MYH4: variants seen among roughly 807,000 people sequenced by gnomAD.
The protein encoded by MYH4 is myosin heavy chain 4.
In MYH4, 200 loss-of-function variants were observed where a neutral mutation model predicts 229.9. The observed-to-expected ratio is 0.87, with a 90% confidence interval of 0.78 to 0.98. The LOEUF is 0.98. MYH4 is among the 50% of genes least tolerant of loss of function. The pLI is 0.00. For synonymous variants in MYH4, 761 were observed against 834.6 expected (o/e 0.91, Z 1.52); for missense variants, 2,148 against 2,332.6 (o/e 0.92, Z 1.63).
Position 10,451,974 on chromosome 17 carries a change from A to C in MYH4, c.3705T>G (p.Leu1235=). ...TGGAGACAGTCTCCATGTTACTAGCAAGGTCATTGATCTCCATCTTCAGCT... is the reference window on the plus strand; with the variant it reads ...TGGAGACAGTCTCCATGTTACTAGCCAGGTCATTGATCTCCATCTTCAGCT... ...KSELKMEIND[L]ASNMETVSKA... Residue 1235 remains leucine, a synonymous_variant, in exon 27 of 40, where the codon CTT becomes CTG. Coordinates refer to ENST00000255381, the MANE Select transcript of MYH4 (RefSeq NM_017533.2). 7 of 1,612,850 alleles carry C rather than the reference A, an allele frequency of 4.3e-6. No homozygotes were observed. Among genetic ancestry groups the C allele is most frequent in the Non-Finnish European group, 5.1e-6 (6 of 1,179,248 alleles).
chr17:10,453,630 T>C lies in MYH4; in HGVS notation c.2934+13A>G. 6.2e-7 allele frequency: 1 copy of C among 1,614,124 alleles called. No homozygotes were observed. Among genetic ancestry groups the C allele is most frequent in the South Asian group, 1.1e-5 (1 of 91,076 alleles). ...GTGCTTATAAATATTCTAAAATGGATCATGATTTGTACCTTGTTCTCTGTG... is the reference window on the plus strand; with the variant it reads ...GTGCTTATAAATATTCTAAAATGGACCATGATTTGTACCTTGTTCTCTGTG... On this transcript the variant is annotated intron_variant, in intron 23 of 39. Coordinates refer to ENST00000255381, the MANE Select transcript of MYH4 (RefSeq NM_017533.2).
At position 10,455,185 on chromosome 17, in the gene MYH4, A is replaced by G; in HGVS notation, c.2285T>C (p.Phe762Ser). 1 of 1,614,202 alleles carries G rather than the reference A, an allele frequency of 6.2e-7. No homozygotes were observed. Among genetic ancestry groups the G allele is most frequent in the Non-Finnish European group, 8.5e-7 (1 of 1,180,022 alleles). The change falls in exon 20 of 40, where the codon TTC (phenylalanine) becomes TCC (serine). Residue 762 changes from phenylalanine (F) to serine (S), a missense_variant. By Grantham distance (155) the Phe-to-Ser change is radical. Coordinates refer to ENST00000255381, the MANE Select transcript of MYH4 (RefSeq NM_017533.2). The part of the protein sequence containing the change: ...SIEIDHTQYK[F>S]GHTKVFFKAG... ...GACTGGTGATACCTTGGTATGACCGAATTTGTACTGGGTGTGGTCAATTTC... is the reference window on the plus strand; with the variant it reads ...GACTGGTGATACCTTGGTATGACCGGATTTGTACTGGGTGTGGTCAATTTC...
At position 10,452,144 on chromosome 17, in the gene MYH4, G is replaced by A. The variant is rs757546892; in HGVS notation, c.3535C>T (p.Arg1179Cys). The change falls in exon 27 of 40, where the codon CGC becomes TGC. Residue 1179 changes from arginine to cysteine, a missense_variant. Transcript: ENST00000255381. The part of the protein sequence containing the change: ...KKREAEFQKM[R>C]RDLEESTLQH... ...AGGGTGGACTCTTCCAGGTCCCTGC[G>A]CATTTTCTGGAACTCAGCCTCCCGC... The A allele has an allele frequency of 1.4e-5, 23 of 1,613,960 alleles. No homozygotes were observed. Among genetic ancestry groups the A allele is most frequent in the Middle Eastern group, 1.7e-4 (1 of 6,024 alleles).
chr17:10,455,356 A>AT (rs1272363877), intron 19 of MYH4, 61 bp from the exon 20 acceptor site: 2 of 1,525,278 alleles, frequency 1.3e-6, no homozygotes, highest in Non-Finnish European at 1.8e-6. Flanking sequence ...ACAGTAGAAC[A>AT]TTTGGTAGCT....
At chr17:10,448,182 A>G (rs1838258283) in intron 33 of MYH4, 56 bp from the exon 34 acceptor site, 4 of 1,491,126 alleles carry the variant, frequency 2.7e-6, no homozygotes, top group East Asian at 2.3e-5. Flanking sequence ...TTTCTTTCAC[A>G]TTATGATAAT....
At position 10,466,414 on chromosome 17, in the gene MYH4, A is replaced by C. The variant is rs374628866; in HGVS notation, c.207T>G (p.Thr69=). 1 of 1,613,908 alleles carries C rather than the reference A, an allele frequency of 6.2e-7. No individual in the cohort carries two copies. Among genetic ancestry groups the C allele is most frequent in the Non-Finnish European group, 8.5e-7 (1 of 1,179,962 alleles). The change falls in exon 4 of 40, where the codon ACT becomes ACG. Residue 69 remains threonine, a splice_region_variant and synonymous_variant. Transcript: ENST00000255381. The stretch of plus-strand genomic sequence containing the variant: ...AGACTTGGTCTTCTTTCACAGTTAC[A>C]GTCTGTTAAGAAAAGAAAAAACAAG... ...KVTAKTEAGA[T]VTVKEDQVFS...
intron 11 of MYH4, among the ~76,000 whole-genome samples, chr17:10,461,337 A>G (rs1216418398): frequency 1.3e-5 from 2 of 152,110 alleles, no homozygotes; most frequent in Admixed American, 6.6e-5. Flanking sequence ...ATGACTTTTG[A>G]TGCCAAGGCC....
Position 10,455,021 on chromosome 17 carries a change from T to C in MYH4, c.2355A>G (p.Leu785=), listed in dbSNP as rs1597419347. 6.2e-7 allele frequency: 1 copy of C among 1,614,228 alleles called. No homozygotes were observed. Among genetic ancestry groups the C allele is most frequent in the Non-Finnish European group, 8.5e-7 (1 of 1,180,028 alleles). ...CTTGAGTGCGCGTGATGAGTTGAGCTAGCTTTTCATCTCGCATTTCCTCTA... is the reference window on the plus strand; with the variant it reads ...CTTGAGTGCGCGTGATGAGTTGAGCCAGCTTTTCATCTCGCATTTCCTCTA... The part of the protein sequence containing the change: ...GTLEEMRDEK[L]AQLITRTQAI... Residue 785 remains leucine, a synonymous_variant, in exon 21 of 40, where the codon CTA becomes CTG. Transcript: ENST00000255381.
intron 35 of MYH4, among the ~76,000 whole-genome samples, chr17:10,446,792 T>G (rs1385065817): frequency 6.6e-6 from 1 of 152,192 alleles, no homozygotes; most frequent in Non-Finnish European, 1.5e-5. Context: ...TAAATAAAAG[T>G]TTCTAGAATT....
At chr17:10,465,679 C>T (rs2072756066) in intron 4 of MYH4, 81 bp from the exon 5 acceptor site, 1 of 1,558,704 alleles carries the variant, frequency 6.4e-7, no homozygotes, top group Admixed American at 1.7e-5. Flanking sequence ...GCAAGTAGAG[C>T]AGGACCTAAG....
rs563719766 is a variant in MYH4 at position 10,455,184 on chromosome 17, G to A, written c.2286C>T (p.Phe762=). The A allele has an allele frequency of 8.0e-5, 129 of 1,614,112 alleles. 4 individuals are homozygous for A. The South Asian group carries it at 1.3e-3, about 16-fold the overall frequency. Residue 762 remains phenylalanine, a synonymous_variant, in exon 20 of 40, where the codon TTC becomes TTT. Transcript: ENST00000255381. ...GGACTGGTGATACCTTGGTATGACCGAATTTGTACTGGGTGTGGTCAATTT... is the reference window on the plus strand; with the variant it reads ...GGACTGGTGATACCTTGGTATGACCAAATTTGTACTGGGTGTGGTCAATTT... ...SIEIDHTQYK[F]GHTKVFFKAG...
chr17:10,446,617 G>A (rs530139332), intron 35 of MYH4, among the ~76,000 whole-genome samples: 2 of 152,312 alleles, frequency 1.3e-5, no homozygotes, highest in South Asian at 4.1e-4. Context: ...TGTATCCCAT[G>A]AGGTTAGCAT....
rs1216414670 is a variant in MYH4, at chr17:10,444,851, C to T, written c.5515G>A (p.Glu1839Lys). The T allele has an allele frequency of 8.7e-6, 14 of 1,614,120 alleles. No individual in the cohort carries two copies. Among genetic ancestry groups the T allele is most frequent in the Non-Finnish European group, 1.2e-5 (14 of 1,180,022 alleles). Reference protein sequence around the residue: ...EVESEQKHNVEAVKGLRKHER... With the variant: ...EVESEQKHNVKAVKGLRKHER... ...TGTTTGCGAAGACCCTTGACAGCCT[C>T]AACATTGTGCTTCTGTTCACTTTCC... The change falls in exon 38 of 40, where the codon GAG becomes AAG. Residue 1839 changes from glutamate to lysine, a missense_variant. Coordinates refer to ENST00000255381, the MANE Select transcript of MYH4 (RefSeq NM_017533.2).
At chr17:10,468,783 G>A (rs982245387) in intron 2 of MYH4, among the ~76,000 whole-genome samples, 1 of 152,228 alleles carries the variant, frequency 6.6e-6, no homozygotes, top group African/African-American at 2.4e-5. Context: ...GGGTCATTCA[G>A]TGTCATAGTG....
chr17:10,458,120 G>A (rs1251646680), intron 15 of MYH4, among the ~76,000 whole-genome samples: 1 of 152,084 alleles, frequency 6.6e-6, no homozygotes. Flanking sequence ...TTATGTGTAA[G>A]GACTAAAAAT....
rs1056421424 is a variant in MYH4, at chr17:10,452,503, T to G, written c.3261A>C (p.Lys1087Asn). The stretch of plus-strand genomic sequence containing the variant: ...CTTGCAGATTGCTCATTTCAAACTC[T>G]TTCCTATTAGAAGAGCAACACATTA... ...KQQLNEKLKK[K>N]EFEMSNLQGK... is the part of the protein sequence containing the mutation. The change falls in exon 26 of 40, where the codon AAA becomes AAC. Residue 1087 changes from lysine to asparagine, a missense_variant. Physicochemically the swap from Lys to Asn is moderately conservative, Grantham distance 94 (BLOSUM62 0). Transcript: ENST00000255381. The G allele has an allele frequency of 6.2e-7, 1 of 1,613,712 alleles. No homozygotes were observed. The highest frequency in any genetic ancestry group is 1.7e-4 in the Middle Eastern group (1 of 6,004).
chr17:10,460,090 T>C lies in MYH4; in HGVS notation c.1278A>G (p.Ala426=), dbSNP rs763029745. 1 of 1,614,194 alleles carries C rather than the reference T, an allele frequency of 6.2e-7. No individual in the cohort carries two copies. The highest frequency in any genetic ancestry group is 1.1e-5 in the South Asian group (1 of 91,084). The part of the protein sequence containing the change: ...KGQTVQQVYN[A]VGALAKAIYE... Reference sequence around the variant, plus strand: ...AGATGGCTTTGGCCAGAGCACCCACTGCATTGTACACCTTCAACAGAAGTG... The same window carrying C: ...AGATGGCTTTGGCCAGAGCACCCACCGCATTGTACACCTTCAACAGAAGTG... Residue 426 remains alanine, a synonymous_variant, in exon 14 of 40, where the codon GCA becomes GCG. Transcript: ENST00000255381.
At position 10,465,515 on chromosome 17, in the gene MYH4, T is replaced by G; in HGVS notation, c.432A>C (p.Arg144=). Reference sequence around the variant, plus strand: ...GTGGGGCCTCCTGGCGCTTTTTGCCTCGGTAGGCTGTCACCACCTCAGGGT... The same window carrying G: ...GTGGGGCCTCCTGGCGCTTTTTGCCGCGGTAGGCTGTCACCACCTCAGGGT... The part of the protein sequence containing the change: ...VYNPEVVTAY[R]GKKRQEAPPH... The change falls in exon 5 of 40, where the codon CGA becomes CGC. Residue 144 remains arginine, a synonymous_variant. Transcript: ENST00000255381. 6.2e-7 allele frequency: 1 copy of G among 1,614,138 alleles called. No individual in the cohort carries two copies. Among genetic ancestry groups the G allele is most frequent in the Middle Eastern group, 1.7e-4 (1 of 6,058 alleles).
intron 19 of MYH4, 105 bp from the exon 20 acceptor site, chr17:10,455,400 A>G: frequency 7.3e-7 from 1 of 1,371,256 alleles, no homozygotes; most frequent in Non-Finnish European, 9.9e-7. Flanking sequence ...AGTTTTGGTG[A>G]ACAAAATGCC....
Sources: allele counts gnomAD v4.1 joint callset (sites outside exome capture counted in the v4.1 genomes callset), GRCh38; gene constraint gnomAD v4.1.1; transcripts MANE v1.5; gene names NCBI Gene and HGNC (gene_info 2026-07-23, HGNC 2026-07-21).